Variants in ERBB4 observed in about 807,000 individuals in gnomAD.
ERBB4 encodes erb-b2 receptor tyrosine kinase 4, also known as receptor tyrosine-protein kinase erbB-4.
In ERBB4, 42 loss-of-function variants were observed where a neutral mutation model predicts 158.0. The ratio of observed to expected loss-of-function variants is 0.27; its 90% confidence interval spans 0.21 to 0.34. The LOEUF (loss-of-function observed/expected upper bound fraction) is 0.34. Among genes scored for constraint, ERBB4 ranks in the 10% least tolerant of loss-of-function variants. ERBB4 has a pLI of 1.00. For missense variants in ERBB4, 1,333 were observed against 1,624.1 expected, an observed-to-expected ratio of 0.82 and a Z score of 3.08; for synonymous variants, 583 against 558.7, an observed-to-expected ratio of 1.04 and a Z score of -0.61.
chr2:212,357,452 A>C (rs2089506207), intron 1 of ERBB4, among the ~76,000 whole-genome samples: 1 of 151,886 alleles, frequency 6.6e-6, no homozygotes, highest in South Asian at 2.1e-4. Context: ...AAATATATTA[A>C]ATTATTATAG....
intron 19 of ERBB4, among the ~76,000 whole-genome samples, chr2:211,596,675 T>C (rs965238030): frequency 6.6e-6 from 1 of 152,008 alleles, no homozygotes; most frequent in East Asian, 1.9e-4. Flanking sequence ...TCTTGATGAC[T>C]TTTTTTCCCC....
chr2:212,195,157 G>T (rs1232829197), intron 1 of ERBB4, among the ~76,000 whole-genome samples: 1 of 151,834 alleles, frequency 6.6e-6, no homozygotes, highest in Admixed American at 6.6e-5. Flanking sequence ...TTATTTCATT[G>T]TAGATAGTAA....
rs1008530403 is a variant in ERBB4, at chr2:211,810,851, T to G, written c.422-22692A>C. Among the ~76,000 whole-genome samples, 7 of 151,696 alleles carry G rather than the reference T, an allele frequency of 4.6e-5. No individual in the cohort carries two copies. The East Asian group carries it at 9.7e-4, about 21-fold the overall frequency. ...CCGCGCCCGGCTAATTTTTTTTGTA[T>G]TTTTAGTAGAGACGGGGTTTCACCT... On this transcript the variant is annotated intron_variant, in intron 3 of 27. Coordinates refer to ENST00000342788, the MANE Select transcript of ERBB4 (RefSeq NM_005235.3).
At chr2:212,269,550 A>G (rs1436528343) in intron 1 of ERBB4, among the ~76,000 whole-genome samples, 1 of 151,864 alleles carries the variant, frequency 6.6e-6, no homozygotes, top group Non-Finnish European at 1.5e-5. Flanking sequence ...TATTTGTGCA[A>G]TTAAGTATAT....
chr2:211,392,464 G>T (rs2062817013), intron 25 of ERBB4, among the ~76,000 whole-genome samples: 2 of 151,398 alleles, frequency 1.3e-5, no homozygotes, highest in South Asian at 4.2e-4. Flanking sequence ...AATGTCTTTT[G>T]TCTATTTATG....
rs776035042 is a variant in ERBB4 at position 212,344,475 on chromosome 2, T to C, written c.82+193974A>G. Among the ~76,000 whole-genome samples the C allele has an allele frequency of 7.4e-4, 77 of 104,006 alleles. 1 individual carries two copies. Among genetic ancestry groups the C allele is most frequent in the East Asian group, 4.7e-4 (2 of 4,252 alleles). 68.2% of individuals were successfully genotyped at this position (104,006 alleles called of 152,430 possible). On this transcript the variant is annotated intron_variant, in intron 1 of 27. Coordinates refer to ENST00000342788, the MANE Select transcript of ERBB4 (RefSeq NM_005235.3). ...GCTACCATATATATGTGTGTGTATA[T>C]ATGTGTGTGTGTGTGTGTGTGTATA...
intron 2 of ERBB4, among the ~76,000 whole-genome samples, chr2:211,997,504 A>G (rs1010286089): frequency 2.0e-5 from 3 of 152,158 alleles, no homozygotes; most frequent in African/African-American, 7.2e-5. Flanking sequence ...TATAAATAAT[A>G]TCAAATAATC....
At chr2:211,552,801 T>C (rs1460158605) in intron 20 of ERBB4, among the ~76,000 whole-genome samples, 1 of 152,152 alleles carries the variant, frequency 6.6e-6, no homozygotes, top group Non-Finnish European at 1.5e-5. Context: ...ACTAAAATTT[T>C]TGCAGGAATA....
intron 1 of ERBB4, among the ~76,000 whole-genome samples, chr2:212,366,560 G>A (rs1156968366): frequency 4.6e-5 from 7 of 151,900 alleles, no homozygotes; most frequent in East Asian, 1.9e-4. Context: ...GGAAAGTATT[G>A]TCATAAAAAA....
At chr2:211,420,691 A>AATATC in intron 24 of ERBB4, 80 bp from the exon 25 acceptor site, 1 of 1,233,538 alleles carries the variant, frequency 8.1e-7, no homozygotes, top group Non-Finnish European at 1.2e-6. Flanking sequence ...AAATTTATGT[A>AATATC]ATATCATAAC....
chr2:212,126,756 T>C (rs547134360), intron 1 of ERBB4, among the ~76,000 whole-genome samples: 4 of 152,300 alleles, frequency 2.6e-5, no homozygotes, highest in East Asian at 1.9e-4. Context: ...TCATGTCTTA[T>C]ATACACAGAA....
intron 25 of ERBB4, among the ~76,000 whole-genome samples, chr2:211,414,816 G>T (rs1420183439): frequency 6.6e-6 from 1 of 151,936 alleles, no homozygotes; most frequent in Non-Finnish European, 1.5e-5. Context: ...ATCCAGACTC[G>T]ATTTCTAGCT....
At chr2:212,007,957 G>C (rs1221980961) in intron 2 of ERBB4, among the ~76,000 whole-genome samples, 1 of 151,930 alleles carries the variant, frequency 6.6e-6, no homozygotes, top group Admixed American at 6.6e-5. Context: ...TATTGGCAAA[G>C]GGCCTTACAT....
intron 3 of ERBB4, among the ~76,000 whole-genome samples, chr2:211,796,850 T>C (rs928580064): frequency 2.0e-5 from 3 of 151,974 alleles, no homozygotes; most frequent in Non-Finnish European, 4.4e-5. Flanking sequence ...TAAAATAATT[T>C]ATCAGGTGTA....
At chr2:211,684,567 T>C (rs992591585) in intron 12 of ERBB4, among the ~76,000 whole-genome samples, 2 of 152,238 alleles carry the variant, frequency 1.3e-5, no homozygotes, top group African/African-American at 4.8e-5. Context: ...TTCCTCATAG[T>C]TGTTTGCTTT....
chr2:212,080,444 G>T (rs1027340843), intron 2 of ERBB4, among the ~76,000 whole-genome samples: 2 of 151,418 alleles, frequency 1.3e-5, no homozygotes, highest in Non-Finnish European at 2.9e-5. Context: ...TAAGGCTAAG[G>T]TATATAACCA....
At chr2:211,493,813 C>T (rs2065405039) in intron 20 of ERBB4, among the ~76,000 whole-genome samples, 2 of 152,036 alleles carry the variant, frequency 1.3e-5, no homozygotes, top group Admixed American at 1.3e-4. Context: ...TACATGCTTC[C>T]CTAACTCCAT....
At chr2:211,965,848 T>C (rs1301113153) in intron 2 of ERBB4, among the ~76,000 whole-genome samples, 1 of 152,178 alleles carries the variant, frequency 6.6e-6, no homozygotes, top group East Asian at 1.9e-4. Context: ...AATACACTTG[T>C]ACTAAAAGAG....
intron 3 of ERBB4, among the ~76,000 whole-genome samples, chr2:211,946,378 G>A (rs907308601): frequency 2.0e-5 from 3 of 151,670 alleles, no homozygotes; most frequent in East Asian, 1.9e-4. Flanking sequence ...CTTGCTTTTT[G>A]TTATATTCTA....
Sources: allele counts gnomAD v4.1 joint callset (sites outside exome capture counted in the v4.1 genomes callset), GRCh38; gene constraint gnomAD v4.1.1; transcripts MANE v1.5; gene names NCBI Gene and HGNC (gene_info 2026-07-23, HGNC 2026-07-21).